PHF14: variants seen among roughly 807,000 people sequenced by gnomAD.
The protein encoded by PHF14 is PHD finger protein 14.
Under a neutral mutation model 117.9 loss-of-function variants are expected in PHF14, and 55 were observed. The ratio of observed to expected loss-of-function variants is 0.47; its 90% CI spans 0.38 to 0.58. The LOEUF (loss-of-function observed/expected upper bound fraction) is 0.58. PHF14 is among the 20% of genes least tolerant of loss of function. The probability of loss-of-function intolerance (pLI) is 0.00; values close to 1 mark genes in which losing one functional copy is unlikely to be tolerated. For synonymous variants in PHF14, 409 were observed against 368.6 expected (o/e 1.11, Z -1.26); for missense variants, 978 against 1,122.2 (o/e 0.87, Z 1.84).
Position 11,044,984 on chromosome 7 carries a change from A to G in PHF14, c.2312+2170A>G, listed in dbSNP as rs151163672. On this transcript the variant is annotated intron_variant, in intron 13 of 17. Coordinates refer to ENST00000634607, the MANE Select transcript of PHF14 (RefSeq NM_001007157.2). ...ATGTCAGTGCTCAAAAAACATTTGG[A>G]TTTTGGAGCACTTCAGATTTTGGAT... Among the ~76,000 whole-genome samples the G allele has an allele frequency of 4.1e-4, 62 of 152,290 alleles. 1 individual carries two copies. The highest frequency in any genetic ancestry group is 1.4e-3 in the African/African-American group (59 of 41,564).
chr7:11,008,593 C>G (rs560886457), intron 4 of PHF14, among the ~76,000 whole-genome samples: 2 of 152,226 alleles, frequency 1.3e-5, no homozygotes, highest in South Asian at 4.1e-4. Context: ...CCAAAATAAT[C>G]CCCCTGTCCC....
chr7:11,071,895 G>A (rs1258992369), intron 16 of PHF14, among the ~76,000 whole-genome samples: 10 of 151,978 alleles, frequency 6.6e-5, no homozygotes, highest in Non-Finnish European at 1.3e-4. Context: ...TTTTAATTTT[G>A]GATATTAAAA....
At position 10,982,886 on chromosome 7, in the gene PHF14, G is replaced by A; in HGVS notation, c.627G>A (p.Glu209=). 2 of 1,613,646 alleles carry A rather than the reference G, an allele frequency of 1.2e-6. No individual in the cohort carries two copies. The highest frequency in any genetic ancestry group is 1.1e-5 in the South Asian group (1 of 91,054). The change falls in exon 3 of 18, where the codon GAG becomes GAA. Residue 209 remains glutamate (E), a synonymous_variant. Coordinates refer to ENST00000634607, the MANE Select transcript of PHF14 (RefSeq NM_001007157.2). The part of the protein sequence containing the change: ...ELNDMDDYDS[E]DDNDWRPTVV... ...ATGACATGGATGACTATGACAGTGAGGATGACAATGATTGGCGACCTACTG... is the reference window on the plus strand; with the variant it reads ...ATGACATGGATGACTATGACAGTGAAGATGACAATGATTGGCGACCTACTG...
At chr7:11,007,894 T>A (rs1407210199) in intron 4 of PHF14, among the ~76,000 whole-genome samples, 1 of 152,224 alleles carries the variant, frequency 6.6e-6, no homozygotes, top group Non-Finnish European at 1.5e-5. Flanking sequence ...TATAATTGTT[T>A]ACTGTAATTA....
intron 16 of PHF14, chr7:11,063,036 C>T (rs1008075506): frequency 3.9e-6 from 3 of 776,530 alleles, no homozygotes; most frequent in Non-Finnish European, 4.6e-6. Flanking sequence ...TAAATACTTA[C>T]TTCCAAATGA....
intron 17 of PHF14, among the ~76,000 whole-genome samples, chr7:11,119,407 G>A (rs909615075): frequency 9.2e-5 from 14 of 151,598 alleles, no homozygotes; most frequent in Non-Finnish European, 1.5e-4. Context: ...ATCATAGATC[G>A]TACTGTTATA....
intron 13 of PHF14, among the ~76,000 whole-genome samples, chr7:11,044,978 AT>A (rs1478589106): frequency 1.3e-5 from 2 of 152,186 alleles, no homozygotes; most frequent in African/African-American, 4.8e-5. Flanking sequence ...CTCAAAAAAC[AT>A]TTGGATTTTG....
intron 16 of PHF14, chr7:11,104,227 T>A (rs1199127966): frequency 1.0e-6 from 1 of 984,542 alleles, no homozygotes; most frequent in South Asian, 4.7e-5. Context: ...ATCTTGCATT[T>A]TCAGTGGTGG....
intron 4 of PHF14, among the ~76,000 whole-genome samples, chr7:11,006,045 GC>G (rs1176057098): frequency 2.6e-5 from 4 of 151,982 alleles, no homozygotes; most frequent in African/African-American, 9.7e-5. Context: ...GCCCACCTCG[GC>G]CTCCCAAAGT....
intron 3 of PHF14, 30 bp downstream of exon 3, chr7:10,983,189 G>C (rs1782102695): frequency 6.4e-7 from 1 of 1,554,724 alleles, no homozygotes; most frequent in Non-Finnish European, 8.6e-7. Flanking sequence ...ATATCTGTCT[G>C]TCTGGGGAAA....
intron 4 of PHF14, among the ~76,000 whole-genome samples, chr7:10,993,038 G>A (rs1262704058): frequency 6.6e-6 from 1 of 152,084 alleles, no homozygotes; most frequent in Non-Finnish European, 1.5e-5. Context: ...TTAGTGCATC[G>A]TATTAGGAAG....
Position 10,982,707 on chromosome 7 carries a change from GCCA to G in PHF14, c.453_455del (p.Thr152del). On this transcript the variant is annotated inframe_deletion, in exon 3 of 18. Coordinates refer to ENST00000634607, the MANE Select transcript of PHF14 (RefSeq NM_001007157.2). Reference sequence around the variant, plus strand: ...TGAGAATGTGGCTGCTTCTGCTGCTGCCACCACACCAGCCACAAGTCCTCCTGC... The same window carrying G: ...TGAGAATGTGGCTGCTTCTGCTGCTGCCACACCAGCCACAAGTCCTCCTGC... The G allele has an allele frequency of 6.2e-7, 1 of 1,610,748 alleles. No homozygotes were observed. The highest frequency in any genetic ancestry group is 8.5e-7 in the Non-Finnish European group (1 of 1,178,346).
intron 5 of PHF14, chr7:11,015,190 A>C (rs1204058337): frequency 1.3e-5 from 2 of 152,140 alleles, no homozygotes; most frequent in Non-Finnish European, 2.9e-5. Context: ...TAGGCTTTTA[A>C]ATTTAATAAA....
intron 17 of PHF14, among the ~76,000 whole-genome samples, chr7:11,146,716 C>G (rs1472843382): frequency 6.6e-6 from 1 of 152,118 alleles, no homozygotes. Flanking sequence ...ACATTCAGCT[C>G]CGCATGGTCA....
At chr7:11,025,409 G>A (rs773068709) in intron 6 of PHF14, among the ~76,000 whole-genome samples, 3 of 152,176 alleles carry the variant, frequency 2.0e-5, no homozygotes, top group Admixed American at 6.5e-5. Flanking sequence ...TCTACCATGG[G>A]TAAAATGCTG....
chr7:11,099,510 G>A (rs879319399), intron 16 of PHF14, among the ~76,000 whole-genome samples: 1 of 151,970 alleles, frequency 6.6e-6, no homozygotes, highest in Non-Finnish European at 1.5e-5. Flanking sequence ...CTACAGCAGT[G>A]AAATAGTTCT....
chr7:11,151,031 C>G (rs1188611741), intron 17 of PHF14, among the ~76,000 whole-genome samples: 1 of 151,820 alleles, frequency 6.6e-6, no homozygotes, highest in Non-Finnish European at 1.5e-5. Context: ...AAAGATATAT[C>G]AATGATTTTA....
chr7:11,155,417 A>G (rs771271645), intron 17 of PHF14, among the ~76,000 whole-genome samples: 1 of 152,182 alleles, frequency 6.6e-6, no homozygotes, highest in South Asian at 2.1e-4. Flanking sequence ...CCAGAAAAGC[A>G]GAATTCCCAA....
At chr7:11,055,427 T>C (rs1439429387) in intron 14 of PHF14, among the ~76,000 whole-genome samples, 1 of 152,166 alleles carries the variant, frequency 6.6e-6, no homozygotes, top group Non-Finnish European at 1.5e-5. Flanking sequence ...CACACACGCA[T>C]GCATCATCTA....
Sources: allele counts gnomAD v4.1 joint callset (sites outside exome capture counted in the v4.1 genomes callset), GRCh38; gene constraint gnomAD v4.1.1; transcripts MANE v1.5; gene names NCBI Gene and HGNC (gene_info 2026-07-23, HGNC 2026-07-21).